The following HSD17B12 variants were observed in gnomAD, a reference collection of about 807,000 sequenced individuals.
The protein encoded by HSD17B12 is hydroxysteroid 17-beta dehydrogenase 12.
Under a neutral mutation model 39.3 loss-of-function variants are expected in HSD17B12, and 32 were observed. That is an observed-to-expected ratio of 0.81 (90% CI 0.61 to 1.09). HSD17B12 has a LOEUF of 1.09. HSD17B12 is among the 50% of genes least tolerant of loss of function. The pLI, the probability that HSD17B12 is intolerant of heterozygous loss-of-function variation, is 0.00. For synonymous variants in HSD17B12, 150 were observed against 146.7 expected (o/e 1.02, Z -0.16); for missense variants, 342 against 382.9 (o/e 0.89, Z 0.89).
At chr11:43,607,291 TGTG>T in the HSD17B12 span, among the ~76,000 whole-genome samples, 1 of 151,318 alleles carries the variant, frequency 6.6e-6, no homozygotes, top group Non-Finnish European at 1.5e-5. Flanking sequence ...TGTGTGTGTG[TGTG>T]TGTGTGTGTG....
chr11:43,816,437 T>A (rs1397599757), intron 6 of HSD17B12, 46 bp downstream of exon 6: 1 of 1,476,032 alleles, frequency 6.8e-7, no homozygotes, highest in African/African-American at 1.4e-5. Flanking sequence ...TGGTTCCTTC[T>A]ATTCAAAAAC....
At chr11:43,586,101 T>C in the HSD17B12 span, among the ~76,000 whole-genome samples, 66 of 151,356 alleles carry the variant, frequency 4.4e-4, no homozygotes, top group East Asian at 3.3e-3. Flanking sequence ...TCTCTGGGTA[T>C]TTTTTTTTCC....
chr11:43,735,131 C>T (rs760535200), intron 1 of HSD17B12, among the ~76,000 whole-genome samples: 1 of 152,144 alleles, frequency 6.6e-6, no homozygotes, highest in African/African-American at 2.4e-5. Context: ...AATAATATTC[C>T]ATTGTATGTA....
chr11:43,690,406 T>A lies in HSD17B12; in HGVS notation c.160+9419T>A, dbSNP rs868058243. On this transcript the variant is annotated intron_variant, in intron 1 of 10. Coordinates refer to ENST00000278353, the MANE Select transcript of HSD17B12 (RefSeq NM_016142.3). The stretch of plus-strand genomic sequence containing the variant: ...TATATATATATATATATATATATAT[T>A]TTTTTTTTTTTTTTTCTGAGACAGG... Among the ~76,000 whole-genome samples, 44 of 64,472 alleles carry A rather than the reference T, an allele frequency of 6.8e-4. 1 individual carries two copies. Among genetic ancestry groups the A allele is most frequent in the South Asian group, 1.2e-3 (2 of 1,672 alleles). The allele number at this position is 64,472 out of a possible 152,430, so 42.3% of individuals were successfully genotyped here. A position where few individuals can be genotyped will look rare whatever the true frequency, so the allele number is the denominator to read the frequency against.
chr11:43,575,488 G>A, the HSD17B12 span, among the ~76,000 whole-genome samples: 2 of 152,228 alleles, frequency 1.3e-5, no homozygotes, highest in Non-Finnish European at 2.9e-5. This position sits in a 1 kb window ranked among gnomAD's most constrained non-coding sequence, Gnocchi z 4.1. Flanking sequence ...AGTTTGCATT[G>A]GGCGTCTTGG....
Position 43,798,227 on chromosome 11 carries a change from G to A in HSD17B12, c.284-93G>A, listed in dbSNP as rs888493526. On this transcript the variant is annotated intron_variant, in intron 3 of 10. Transcript: ENST00000278353. ...TGTATCAAATTGGGTGGGGAGAAAC[G>A]TCTGAAAGGATAATGCTATCAAATG... 20 of 718,208 alleles carry A rather than the reference G, an allele frequency of 2.8e-5. No homozygotes were observed. In the Admixed American group the frequency reaches 3.7e-4, roughly 13 times the overall value. The allele number at this position is 718,208 out of a possible 1,614,324, so 44.5% of individuals were successfully genotyped here.
chr11:43,661,391 C>T, the HSD17B12 span, among the ~76,000 whole-genome samples: 1 of 152,150 alleles, frequency 6.6e-6, no homozygotes, highest in Admixed American at 6.5e-5. Context: ...GGTGACTACA[C>T]ATAAAATTTG....
At chr11:43,585,153 A>T in the HSD17B12 span, among the ~76,000 whole-genome samples, 1 of 152,158 alleles carries the variant, frequency 6.6e-6, no homozygotes, top group Non-Finnish European at 1.5e-5. Flanking sequence ...CCTAGGATGC[A>T]TGGGAGAAAT....
intron 3 of HSD17B12, among the ~76,000 whole-genome samples, chr11:43,774,593 T>C (rs563436257): frequency 2.0e-5 from 3 of 152,302 alleles, no homozygotes; most frequent in Admixed American, 2.0e-4. Flanking sequence ...ACTCTTTTCA[T>C]TTATTTATCT....
the HSD17B12 span, among the ~76,000 whole-genome samples, chr11:43,609,401 T>C: frequency 6.6e-6 from 1 of 151,512 alleles, no homozygotes; most frequent in African/African-American, 2.4e-5. Flanking sequence ...GGTCTAACTC[T>C]GTTGTCCAGG....
the HSD17B12 span, among the ~76,000 whole-genome samples, chr11:43,558,357 G>A: frequency 3.3e-5 from 5 of 152,282 alleles, no homozygotes; most frequent in South Asian, 4.1e-4. Flanking sequence ...TATGTTTAAC[G>A]GGGAAAATCC....
At chr11:43,771,446 G>A (rs998668923) in intron 3 of HSD17B12, among the ~76,000 whole-genome samples, 1 of 149,848 alleles carries the variant, frequency 6.7e-6, no homozygotes, top group Non-Finnish European at 1.5e-5. Context: ...TATATATGTA[G>A]GAGTGGACTC....
the HSD17B12 span, among the ~76,000 whole-genome samples, chr11:43,567,006 C>T: frequency 5.3e-5 from 8 of 152,194 alleles, no homozygotes; most frequent in Admixed American, 3.3e-4. Context: ...AGAAGGATTC[C>T]GTGTCCATCA....
At chr11:43,594,206 T>G in the HSD17B12 span, among the ~76,000 whole-genome samples, 1 of 152,244 alleles carries the variant, frequency 6.6e-6, no homozygotes, top group Non-Finnish European at 1.5e-5. Flanking sequence ...GAAATAGTAG[T>G]AATCATTTAA....
intron 1 of HSD17B12, among the ~76,000 whole-genome samples, chr11:43,686,342 A>G (rs969394335): frequency 2.6e-5 from 4 of 152,360 alleles, no homozygotes; most frequent in African/African-American, 9.6e-5. Flanking sequence ...GGCTCCCGAA[A>G]GGGAGTACGT....
At position 43,771,950 on chromosome 11, in the gene HSD17B12, A is replaced by ACATTTGAT. The variant is rs1950654616; in HGVS notation, c.283+17830_283+17837dup. On this transcript the variant is annotated intron_variant, in intron 3 of 10. Transcript: ENST00000278353. ...AAAACAAAACAAGACAAAACCAAAAACATTTGATGAGACCTGTAAATCTAA... is the reference window on the plus strand; with the variant it reads ...AAAACAAAACAAGACAAAACCAAAAACATTTGATCATTTGATGAGACCTGTAAATCTAA... 4.6e-5 allele frequency among the ~76,000 whole-genome samples: 7 copies of ACATTTGAT among 152,288 alleles called. No homozygotes were observed. In the South Asian group the frequency reaches 1.4e-3, roughly 32 times the overall value.
At chr11:43,645,151 T>C in the HSD17B12 span, 143,546 of 152,220 alleles carry the variant, frequency 0.94, 68,275 homozygotes, top group Middle Eastern at 1. Context: ...TGTTTCAACA[T>C]TTGAGGCTAA....
chr11:43,597,970 G>C, the HSD17B12 span, among the ~76,000 whole-genome samples: 1 of 152,090 alleles, frequency 6.6e-6, no homozygotes, highest in African/African-American at 2.4e-5. Flanking sequence ...ACTTCAAGGG[G>C]AGTCAAGAGA....
chr11:43,611,297 A>G, the HSD17B12 span, among the ~76,000 whole-genome samples: 1 of 152,222 alleles, frequency 6.6e-6, no homozygotes, highest in Non-Finnish European at 1.5e-5. Flanking sequence ...ATTTTGTATT[A>G]TCCTGTGCTT....
Sources: gnomAD v4.1 joint callset for allele counts (sites outside exome capture counted in the v4.1 genomes callset) on GRCh38, gnomAD v4.1.1 for gene constraint, Gnocchi (gnomAD v3.1) non-coding constraint, MANE v1.5 for transcripts, NCBI Gene and HGNC (gene_info 2026-07-23, HGNC 2026-07-21) for gene names.